Variants in DIP2C observed in about 807,000 individuals in gnomAD.
The protein encoded by DIP2C is disco-interacting protein 2 homolog C.
In DIP2C, 33 loss-of-function variants were observed where a neutral mutation model predicts 192.4. The ratio of observed to expected loss-of-function variants is 0.17; its 90% CI spans 0.13 to 0.23. The LOEUF (loss-of-function observed/expected upper bound fraction) is 0.23. Among genes scored for constraint, DIP2C ranks in the 10% least tolerant of loss-of-function variants. The pLI is 1.00. For synonymous variants in DIP2C, 979 were observed against 864.1 expected, an observed-to-expected ratio of 1.13 and a Z score of -2.33; for missense variants, 1,537 against 2,110.1, an observed-to-expected ratio of 0.73 and a Z score of 5.32.
chr10:420,111 C>A (rs146067518), intron 5 of DIP2C, among the ~76,000 whole-genome samples: 7 of 152,254 alleles, frequency 4.6e-5, no homozygotes, highest in Admixed American at 4.6e-4. Context: ...AAGGGCGGTA[C>A]TTTGTGTCGC....
rs371574708 is a variant in DIP2C, at chr10:650,073, T to C, written c.85+39421A>G. On this transcript the variant is annotated intron_variant, in intron 1 of 36. Transcript: ENST00000280886. ...CATCTGGGAGCTGCCAGCAACCCAGTTCCAGGAGAGAAAATAGCTTGACAC... is the reference window on the plus strand; with the variant it reads ...CATCTGGGAGCTGCCAGCAACCCAGCTCCAGGAGAGAAAATAGCTTGACAC... 443 of 714,156 alleles carry C rather than the reference T, an allele frequency of 6.2e-4. 10 individuals are homozygous for C. Among genetic ancestry groups the C allele is most frequent in the South Asian group, 5.1e-3 (346 of 67,260 alleles). 44.2% of individuals were successfully genotyped at this position (714,156 alleles called of 1,614,324 possible).
chr10:579,361 G>C (rs2995052), intron 1 of DIP2C, among the ~76,000 whole-genome samples: 4,119 of 151,714 alleles, frequency 0.027, 183 homozygotes, highest in African/African-American at 0.094. Context: ...CAAATGTAGT[G>C]TACAAACAAG....
rs78551707 is a variant in DIP2C at position 455,498 on chromosome 10, C to T, written c.269-14502G>A. Among the ~76,000 whole-genome samples, 8 of 88,134 alleles carry T rather than the reference C, an allele frequency of 9.1e-5. No homozygotes were observed. In the South Asian group the frequency reaches 1.3e-3, roughly 14 times the overall value. The allele number at this position is 88,134 out of a possible 152,430, so 57.8% of individuals were successfully genotyped here. A position where few individuals can be genotyped will look rare whatever the true frequency, so the allele number is the denominator to read the frequency against. On this transcript the variant is annotated intron_variant, in intron 3 of 36. Coordinates refer to ENST00000280886, the MANE Select transcript of DIP2C (RefSeq NM_014974.3). Reference sequence around the variant, plus strand: ...AGTGAGTCCCTGCCTGAGGGGAGACCGTGAGGAGCAAATGAGATGAAAACA... The same window carrying T: ...AGTGAGTCCCTGCCTGAGGGGAGACTGTGAGGAGCAAATGAGATGAAAACA...
rs772661161 is a variant in DIP2C at position 413,940 on chromosome 10, C to G, written c.1030G>C (p.Gly344Arg). ...TAAGTGAGGATGTAGAGGGGCTTCC[C>G]GTTGGTGTCCATGGTGGTCAGGCAG... ...APCLTTMDTN[G>R]KPLYILTYGK... Residue 344 changes from glycine (G) to arginine (R), a missense_variant, in exon 8 of 37, where the codon GGG becomes CGG. By Grantham distance (125) the Gly-to-Arg change is moderately radical (BLOSUM62 -2). Transcript: ENST00000280886. The G allele has an allele frequency of 1.2e-6, 2 of 1,614,130 alleles. No individual in the cohort carries two copies. The highest frequency in any genetic ancestry group is 1.7e-5 in the Admixed American group (1 of 60,020).
At chr10:325,849 G>C (rs936335614) in intron 31 of DIP2C, among the ~76,000 whole-genome samples, 2 of 152,066 alleles carry the variant, frequency 1.3e-5, no homozygotes, top group East Asian at 1.9e-4. Context: ...ATAATTAAAA[G>C]AGAAGCAAGA....
chr10:437,520 G>C (rs1448614180), intron 4 of DIP2C: 13 of 152,334 alleles, frequency 8.5e-5, no homozygotes, highest in Admixed American at 7.8e-4. Flanking sequence ...TCCAGGCAGA[G>C]GGCAAATGTA....
chr10:558,060 C>CA (rs1849005369), intron 1 of DIP2C, among the ~76,000 whole-genome samples: 1 of 152,124 alleles, frequency 6.6e-6, no homozygotes, highest in African/African-American at 2.4e-5. Context: ...TAAGCAACAG[C>CA]ATCTTCAGAT....
intron 1 of DIP2C, among the ~76,000 whole-genome samples, chr10:575,667 C>T (rs1252200100): frequency 6.6e-6 from 1 of 152,156 alleles, no homozygotes; most frequent in Non-Finnish European, 1.5e-5. Flanking sequence ...GGAGCAGAGT[C>T]CAAGCTTGCT....
intron 32 of DIP2C, among the ~76,000 whole-genome samples, chr10:300,922 G>GT: frequency 6.6e-6 from 1 of 152,332 alleles, no homozygotes; most frequent in Non-Finnish European, 1.5e-5. Flanking sequence ...GACTTGAAAA[G>GT]TATCTTTTTA....
At chr10:482,891 G>A (rs116747955) in intron 2 of DIP2C, among the ~76,000 whole-genome samples, 274 of 152,308 alleles carry the variant, frequency 1.8e-3, no homozygotes, top group African/African-American at 6.3e-3. Context: ...GGGTGAGAGC[G>A]AAGTGGGCAG....
At chr10:451,025 C>T (rs965122806) in intron 3 of DIP2C, among the ~76,000 whole-genome samples, 5 of 152,174 alleles carry the variant, frequency 3.3e-5, no homozygotes, top group African/African-American at 1.2e-4. Context: ...CTGTGAGTTC[C>T]TCAGGGCCAG....
In DIP2C at chr10:363,268, C is replaced by T. The variant is rs753413734; in HGVS notation, c.2521G>A (p.Val841Met). Residue 841 changes from valine to methionine, a missense_variant, in exon 21 of 37, where the codon GTG (valine) becomes ATG (methionine). Val to Met is a conservative substitution (Grantham distance 21). Around this residue, in one of 4 missense-constraint regions of DIP2C, gnomAD observed 677 missense variants for 989.9 expected, o/e 0.68. Coordinates refer to ENST00000280886, the MANE Select transcript of DIP2C (RefSeq NM_014974.3). The surrounding 1 kb of genome is among the most constrained non-coding windows in gnomAD (Gnocchi z 5.4). The part of the protein sequence containing the change: ...SVTVLHDERI[V>M]IVAEQRPDST... ...TCAGGCCTCTGCTCAGCCACGATCA[C>T]GATCCTCTCGTCGTGCAGCACGGTC... 33 of 1,613,184 alleles carry T rather than the reference C, an allele frequency of 2.0e-5. No homozygotes were observed. In the South Asian group the frequency reaches 2.1e-4, roughly 10 times the overall value.
chr10:316,241 T>C (rs1180783998), intron 31 of DIP2C, among the ~76,000 whole-genome samples: 1 of 152,192 alleles, frequency 6.6e-6, no homozygotes, highest in Non-Finnish European at 1.5e-5. Context: ...CAATGTTTTA[T>C]GAAAAACGAA....
chr10:547,234 C>T (rs1400386161), intron 1 of DIP2C, among the ~76,000 whole-genome samples: 5 of 152,210 alleles, frequency 3.3e-5, no homozygotes, highest in Admixed American at 6.5e-5. Context: ...GCCCCCATCG[C>T]GAGGCCACAG....
At chr10:579,731 G>A (rs1850465825) in intron 1 of DIP2C, among the ~76,000 whole-genome samples, 2 of 151,746 alleles carry the variant, frequency 1.3e-5, no homozygotes, top group African/African-American at 4.8e-5. Flanking sequence ...TATCAATACA[G>A]CATACATAGG....
chr10:282,914 C>T (rs945909507), intron 35 of DIP2C, among the ~76,000 whole-genome samples: 10 of 152,234 alleles, frequency 6.6e-5, no homozygotes, highest in African/African-American at 1.7e-4. Context: ...AGATGGACCC[C>T]GTGGGAGCAG....
intron 3 of DIP2C, among the ~76,000 whole-genome samples, chr10:444,101 C>G (rs564454736): frequency 6.6e-6 from 1 of 152,090 alleles, no homozygotes; most frequent in Non-Finnish European, 1.5e-5. Context: ...ACCTGAGACT[C>G]GTGTAGATTC....
intron 3 of DIP2C, among the ~76,000 whole-genome samples, chr10:468,987 T>C (rs747135134): frequency 1.2e-4 from 19 of 152,030 alleles, no homozygotes; most frequent in Admixed American, 4.6e-4. Flanking sequence ...AGCTGTGGAA[T>C]TGGAGACCAT....
At chr10:612,782 T>C (rs911290565) in intron 1 of DIP2C, among the ~76,000 whole-genome samples, 4 of 151,920 alleles carry the variant, frequency 2.6e-5, no homozygotes, top group African/African-American at 9.7e-5. Context: ...TTGAACAGAG[T>C]CTCAAGAAAT....
Sources: gnomAD v4.1 joint callset for allele counts (sites outside exome capture counted in the v4.1 genomes callset) on GRCh38, gnomAD v4.1.1 for gene constraint, gnomAD v4.1.1 regional missense constraint, Gnocchi (gnomAD v3.1) non-coding constraint, MANE v1.5 for transcripts, NCBI Gene and HGNC (gene_info 2026-07-23, HGNC 2026-07-21) for gene names.